The following KLHL1 variants were observed in gnomAD, a reference collection of about 807,000 sequenced individuals.
KLHL1 encodes the protein kelch-like protein 1.
In KLHL1, 47 loss-of-function variants were observed where a neutral mutation model predicts 77.7. The observed-to-expected ratio is 0.60, with a 90% CI of 0.48 to 0.77. The LOEUF (loss-of-function observed/expected upper bound fraction) is 0.77, where lower values mean the gene tolerates loss of function less well. Ranked by LOEUF, KLHL1 falls within the 30% of genes least tolerant of loss-of-function variation. The pLI is 0.00. For missense variants in KLHL1, 925 were observed against 910.8 expected (o/e 1.02, Z -0.20); for synonymous variants, 360 against 325.2 (o/e 1.11, Z -1.15).
chr13:69,968,837 T>C (rs753815807), intron 2 of KLHL1, among the ~76,000 whole-genome samples: 4 of 152,108 alleles, frequency 2.6e-5, no homozygotes, highest in Non-Finnish European at 5.9e-5. Flanking sequence ...ATTTGAAACC[T>C]GCACGTTTTG....
chr13:69,778,568 ATT>A (rs1264944872), intron 7 of KLHL1, among the ~76,000 whole-genome samples: 2 of 152,158 alleles, frequency 1.3e-5, no homozygotes, highest in Non-Finnish European at 2.9e-5. Flanking sequence ...ATATCTATGG[ATT>A]TCAGAGAAAT....
At chr13:69,731,006 G>A (rs1041511093) in intron 8 of KLHL1, among the ~76,000 whole-genome samples, 7 of 151,834 alleles carry the variant, frequency 4.6e-5, no homozygotes, top group Non-Finnish European at 8.8e-5. Context: ...TCCAAATTAA[G>A]TGTCTTTAAA....
At chr13:69,962,565 G>T (rs1884097570) in intron 2 of KLHL1, among the ~76,000 whole-genome samples, 1 of 151,840 alleles carries the variant, frequency 6.6e-6, no homozygotes, top group South Asian at 2.1e-4. Flanking sequence ...GATGCCTGCT[G>T]AATATACTTG....
chr13:69,993,255 T>C (rs946927807), intron 1 of KLHL1, among the ~76,000 whole-genome samples: 4 of 152,040 alleles, frequency 2.6e-5, no homozygotes, highest in Admixed American at 6.6e-5. Flanking sequence ...GGGAGAGCCA[T>C]AGCAGAACCA....
At chr13:69,996,790 A>AT (rs1354110756) in intron 1 of KLHL1, among the ~76,000 whole-genome samples, 1 of 152,066 alleles carries the variant, frequency 6.6e-6, no homozygotes, top group East Asian at 1.9e-4. Context: ...CTTCATTGTC[A>AT]GAGGGTAGGA....
chr13:69,711,274 T>G (rs1004331987), intron 9 of KLHL1, among the ~76,000 whole-genome samples: 6 of 152,096 alleles, frequency 3.9e-5, no homozygotes, highest in African/African-American at 1.4e-4. Context: ...TGATTTATAG[T>G]CCAGTAGGTT....
intron 7 of KLHL1, among the ~76,000 whole-genome samples, chr13:69,741,144 G>A (rs1236229346): frequency 6.6e-6 from 1 of 152,030 alleles, no homozygotes; most frequent in African/African-American, 2.4e-5. Context: ...CATATTATTA[G>A]CTAAAATTAC....
intron 1 of KLHL1, among the ~76,000 whole-genome samples, chr13:70,025,716 C>T (rs1441548): frequency 0.24 from 36,686 of 150,896 alleles, 4,814 homozygotes; most frequent in African/African-American, 0.35. Context: ...ATATGATATA[C>T]ATGTATTAAA....
At chr13:69,843,791 G>C (rs1263868287) in intron 5 of KLHL1, among the ~76,000 whole-genome samples, 1 of 151,558 alleles carries the variant, frequency 6.6e-6, no homozygotes, top group African/African-American at 2.4e-5. Flanking sequence ...ATCAGAAAAG[G>C]CTTCCTGTGT....
intron 1 of KLHL1, among the ~76,000 whole-genome samples, chr13:69,982,556 C>A (rs77797862): frequency 6.7e-6 from 1 of 150,224 alleles, no homozygotes; most frequent in East Asian, 1.9e-4. Flanking sequence ...AAAGAGAGAA[C>A]GAAAGTAAGA....
intron 4 of KLHL1, among the ~76,000 whole-genome samples, chr13:69,934,530 T>C (rs1883108219): frequency 6.6e-6 from 1 of 152,076 alleles, no homozygotes; most frequent in African/African-American, 2.4e-5. Flanking sequence ...TCTTCTTGCC[T>C]TCCTTTTATG....
chr13:70,063,510 T>C (rs1886939287), intron 1 of KLHL1, among the ~76,000 whole-genome samples: 1 of 152,110 alleles, frequency 6.6e-6, no homozygotes, highest in African/African-American at 2.4e-5. Flanking sequence ...CATGTTATTT[T>C]GTTATTTAAA....
At chr13:69,934,962 G>GTATGTATATATATATATATATA (rs1883123208) in intron 4 of KLHL1, among the ~76,000 whole-genome samples, 1 of 129,818 alleles carries the variant, frequency 7.7e-6, no homozygotes, top group South Asian at 2.5e-4. Context: ...GTGTGCATGT[G>GTATGTATATATATATATATATA]TATATATATA....
chr13:69,975,913 A>G (rs1884533012), intron 1 of KLHL1, 111 bp from the exon 2 acceptor site: 2 of 1,265,846 alleles, frequency 1.6e-6, no homozygotes, highest in Non-Finnish European at 1.0e-6. Context: ...GAAAACTAAT[A>G]TATCTGTGTT....
At chr13:69,823,252 G>C (rs17085443) in intron 6 of KLHL1, among the ~76,000 whole-genome samples, 5 of 151,998 alleles carry the variant, frequency 3.3e-5, no homozygotes, top group African/African-American at 1.2e-4. Context: ...AAATGTCTCA[G>C]AGAAATAGGA....
chr13:70,103,716 G>A (rs117128197), intron 1 of KLHL1, among the ~76,000 whole-genome samples: 2 of 152,278 alleles, frequency 1.3e-5, no homozygotes, highest in East Asian at 3.9e-4. Flanking sequence ...ATGTGACCCT[G>A]GAATTCTGGC....
intron 5 of KLHL1, among the ~76,000 whole-genome samples, chr13:69,854,915 T>C (rs1019581): frequency 0.094 from 14,343 of 151,900 alleles, 845 homozygotes; most frequent in Non-Finnish European, 0.13. Flanking sequence ...ATTTTTGAAA[T>C]GGTGCCAACT....
At chr13:69,961,539 T>C in intron 2 of KLHL1, 95 bp from the exon 3 acceptor site, 1 of 1,310,074 alleles carries the variant, frequency 7.6e-7, no homozygotes, top group East Asian at 2.4e-5. Flanking sequence ...AATCAATCTA[T>C]TGATCAATCA....
intron 4 of KLHL1, among the ~76,000 whole-genome samples, chr13:69,908,333 TG>T (rs1251114397): frequency 4.0e-5 from 6 of 151,740 alleles, no homozygotes; most frequent in African/African-American, 1.2e-4. Flanking sequence ...CAGATTAAAG[TG>T]TAAGTTTCAC....
Sources: allele counts gnomAD v4.1 joint callset (sites outside exome capture counted in the v4.1 genomes callset), GRCh38; gene constraint gnomAD v4.1.1; transcripts MANE v1.5; gene names NCBI Gene and HGNC (gene_info 2026-07-23, HGNC 2026-07-21).